The following OR9Q1 variants were observed in gnomAD, a reference collection of about 807,000 sequenced individuals.
The protein encoded by OR9Q1 is olfactory receptor family 9 subfamily Q member 1.
For synonymous variants in OR9Q1, 153 were observed against 148.6 expected, an observed-to-expected ratio of 1.03 and a Z score of -0.22; for missense variants, 374 against 378.8, an observed-to-expected ratio of 0.99 and a Z score of 0.11.
intron 2 of OR9Q1, among the ~76,000 whole-genome samples, chr11:58,084,033 G>A (rs1853612899): frequency 6.6e-6 from 1 of 151,900 alleles, no homozygotes; most frequent in African/African-American, 2.4e-5. Context: ...CATTGGATCT[G>A]TAGATCGCTT....
At chr11:58,116,799 T>A (rs1407382017) in intron 2 of OR9Q1, 2 of 152,214 alleles carry the variant, frequency 1.3e-5, no homozygotes, top group Non-Finnish European at 2.9e-5. Context: ...ATTATTTTAA[T>A]AAAATTGTTG....
intron 2 of OR9Q1, among the ~76,000 whole-genome samples, chr11:58,066,558 G>T (rs1853431820): frequency 1.3e-5 from 2 of 152,086 alleles, no homozygotes; most frequent in African/African-American, 4.8e-5. Flanking sequence ...CGTTCTCCAG[G>T]TCTCCGAGAC....
At chr11:58,047,606 A>G (rs2119957129) in intron 1 of OR9Q1, 1 of 151,838 alleles carries the variant, frequency 6.6e-6, no homozygotes, top group South Asian at 2.1e-4. Context: ...GGGCACAGTC[A>G]CTCATACCTG....
intron 2 of OR9Q1, among the ~76,000 whole-genome samples, chr11:58,161,334 T>C (rs1470996176): frequency 1.3e-5 from 2 of 148,942 alleles, no homozygotes; most frequent in Admixed American, 6.7e-5. Context: ...CAAGGCAGAG[T>C]AGGTAGAAGG....
chr11:58,115,005 C>G (rs1489364758), intron 2 of OR9Q1, among the ~76,000 whole-genome samples: 1 of 152,174 alleles, frequency 6.6e-6, no homozygotes, highest in Non-Finnish European at 1.5e-5. Flanking sequence ...CCTGTCCGTA[C>G]TATTCTGTGC....
chr11:58,132,593 C>A lies in OR9Q1; in HGVS notation c.-14-46838C>A, dbSNP rs78650651. 2.0e-3 allele frequency among the ~76,000 whole-genome samples: 303 copies of A among 152,220 alleles called. 1 individual carries two copies. The highest frequency in any genetic ancestry group is 6.5e-3 in the African/African-American group (269 of 41,516). On this transcript the variant is annotated intron_variant, in intron 2 of 2. Coordinates refer to ENST00000335397, the MANE Select transcript of OR9Q1 (RefSeq NM_001005212.4). ...AAATGAGTGAGCAGATTGCTGGGAC[C>A]TCACACAGTCACATTTCACTCAGGC...
chr11:58,097,791 T>A (rs187925957), intron 2 of OR9Q1, among the ~76,000 whole-genome samples: 1 of 152,190 alleles, frequency 6.6e-6, no homozygotes, highest in Non-Finnish European at 1.5e-5. Flanking sequence ...AAAGAACTAA[T>A]GGTGCATGCA....
At chr11:58,038,427 T>C (rs1853129039) in intron 1 of OR9Q1, among the ~76,000 whole-genome samples, 1 of 152,322 alleles carries the variant, frequency 6.6e-6, no homozygotes. Flanking sequence ...GAGTGAAACA[T>C]TGTCATATGA....
intron 2 of OR9Q1, among the ~76,000 whole-genome samples, chr11:58,109,942 A>G (rs1853883035): frequency 6.6e-6 from 1 of 152,184 alleles, no homozygotes; most frequent in Non-Finnish European, 1.5e-5. Context: ...ATGTTAGACC[A>G]TCAAGACTGG....
At chr11:58,082,600 G>GT (rs1361350055) in intron 2 of OR9Q1, among the ~76,000 whole-genome samples, 3 of 70,428 alleles carry the variant, frequency 4.3e-5, no homozygotes, top group Non-Finnish European at 7.6e-5. Context: ...CTGTTGTGGG[G>GT]TGGGGGGAGG....
chr11:58,044,790 GA>G (rs1853200301), intron 1 of OR9Q1: 1 of 152,168 alleles, frequency 6.6e-6, no homozygotes, highest in Non-Finnish European at 1.5e-5. Context: ...TTGATGGTTG[GA>G]ATTCTGGTTC....
chr11:58,126,600 C>T (rs574954703), intron 2 of OR9Q1, among the ~76,000 whole-genome samples: 1 of 152,310 alleles, frequency 6.6e-6, no homozygotes, highest in Non-Finnish European at 1.5e-5. Flanking sequence ...GGGTGGCAGC[C>T]ACAGATCAGG....
At chr11:58,164,231 G>C (rs192443861) in intron 2 of OR9Q1, among the ~76,000 whole-genome samples, 1 of 152,076 alleles carries the variant, frequency 6.6e-6, no homozygotes, top group Admixed American at 6.6e-5. Context: ...ATCCTTCCAC[G>C]TTCCTGTCTT....
chr11:58,073,894 C>G (rs187277140), intron 2 of OR9Q1, among the ~76,000 whole-genome samples: 141 of 152,284 alleles, frequency 9.3e-4, no homozygotes, highest in African/African-American at 3.1e-3. Context: ...TGAGTGAGAA[C>G]ATGCAGTGTT....
intron 2 of OR9Q1, among the ~76,000 whole-genome samples, chr11:58,074,819 C>T (rs772904699): frequency 5.3e-5 from 8 of 152,174 alleles, no homozygotes; most frequent in Non-Finnish European, 1.0e-4. Context: ...CAGTTTTCTG[C>T]ATATGGTTAA....
At chr11:58,144,101 A>C (rs1854276589) in intron 2 of OR9Q1, among the ~76,000 whole-genome samples, 2 of 151,908 alleles carry the variant, frequency 1.3e-5, no homozygotes, top group African/African-American at 4.8e-5. Flanking sequence ...ATATGTATAC[A>C]TGTGCCATGT....
chr11:58,138,589 T>A (rs553090336), intron 2 of OR9Q1, among the ~76,000 whole-genome samples: 30 of 152,238 alleles, frequency 2.0e-4, no homozygotes, highest in Non-Finnish European at 3.8e-4. Flanking sequence ...TTGTATTTTT[T>A]CTTCTCATAG....
intron 2 of OR9Q1, among the ~76,000 whole-genome samples, chr11:58,091,969 CTTT>C (rs201459900): frequency 7.1e-6 from 1 of 141,566 alleles, no homozygotes; most frequent in Admixed American, 7.1e-5. Context: ...CAACCCTTGC[CTTT>C]TTTTTTTTGC....
chr11:58,158,867 A>T (rs1032539798), intron 2 of OR9Q1, among the ~76,000 whole-genome samples: 3 of 152,210 alleles, frequency 2.0e-5, no homozygotes, highest in Non-Finnish European at 4.4e-5. Flanking sequence ...GGCATAGAGA[A>T]ATATGAGGCT....
Sources: allele counts gnomAD v4.1 joint callset (sites outside exome capture counted in the v4.1 genomes callset), GRCh38; gene constraint gnomAD v4.1.1; transcripts MANE v1.5; gene names NCBI Gene and HGNC (gene_info 2026-07-23, HGNC 2026-07-21).